The following MYH15 variants were observed in gnomAD, a reference collection of about 807,000 sequenced individuals.
MYH15 encodes the protein myosin-15.
A neutral mutation model predicts 240.5 loss-of-function variants in MYH15; 227 were observed. That is an observed-to-expected ratio of 0.94 (90% CI 0.85 to 1.05). The LOEUF (loss-of-function observed/expected upper bound fraction) is 1.05, where lower values mean the gene tolerates loss of function less well. Among genes scored for constraint, MYH15 ranks in the 50% least tolerant of loss-of-function variants. MYH15 has a pLI of 0.00. For synonymous variants in MYH15, 785 were observed against 796.7 expected, an observed-to-expected ratio of 0.99 and a Z score of 0.25; for missense variants, 2,217 against 2,247.5, an observed-to-expected ratio of 0.99 and a Z score of 0.27.
At chr3:108,453,661 A>T (rs2082994651) in intron 21 of MYH15, among the ~76,000 whole-genome samples, 1 of 152,222 alleles carries the variant, frequency 6.6e-6, no homozygotes, top group Non-Finnish European at 1.5e-5. Context: ...TTCCCCAAAG[A>T]GTTGGCTGTG....
intron 28 of MYH15, among the ~76,000 whole-genome samples, chr3:108,417,472 C>T (rs1314075106): frequency 1.3e-5 from 2 of 152,030 alleles, no homozygotes; most frequent in East Asian, 3.8e-4. Flanking sequence ...TATTACCTCA[C>T]TTGTAAGATG....
intron 27 of MYH15, among the ~76,000 whole-genome samples, chr3:108,424,189 C>T (rs2082708419): frequency 6.6e-6 from 1 of 152,164 alleles, no homozygotes; most frequent in Non-Finnish European, 1.5e-5. Context: ...GAGAGGTCTC[C>T]ACGTGGTGAA....
In MYH15 at chr3:108,518,224, C is replaced by G. The variant is rs141729545; in HGVS notation, c.-57-7637G>C. Reference sequence around the variant, plus strand: ...CCTTTATTATATGAAAACACTGAGTCTCAGAGAACTAGCAAGTGTTATCTC... The same window carrying G: ...CCTTTATTATATGAAAACACTGAGTGTCAGAGAACTAGCAAGTGTTATCTC... On this transcript the variant is annotated intron_variant, in intron 1 of 41. Transcript: ENST00000273353. Among the ~76,000 whole-genome samples, 861 of 152,288 alleles carry G rather than the reference C, an allele frequency of 5.7e-3. 7 individuals are homozygous for G. The highest frequency in any genetic ancestry group is 8.8e-3 in the Non-Finnish European group (596 of 68,020).
chr3:108,525,043 C>T (rs1004776590), intron 1 of MYH15, among the ~76,000 whole-genome samples: 2 of 152,022 alleles, frequency 1.3e-5, no homozygotes, highest in African/African-American at 4.8e-5. Context: ...CATAGTTACA[C>T]CTAGTTGCAA....
At chr3:108,506,500 G>A (rs921879433) in intron 1 of MYH15, among the ~76,000 whole-genome samples, 10 of 152,140 alleles carry the variant, frequency 6.6e-5, no homozygotes, top group African/African-American at 2.4e-4. Flanking sequence ...GAGGTCTGGG[G>A]TGAAATGAGC....
At chr3:108,524,354 T>G (rs2083649245) in intron 1 of MYH15, among the ~76,000 whole-genome samples, 1 of 152,062 alleles carries the variant, frequency 6.6e-6, no homozygotes, top group Admixed American at 6.6e-5. Flanking sequence ...GAATTGTTTG[T>G]TCTGTCTACT....
chr3:108,437,238 G>A (rs910560389), intron 25 of MYH15, among the ~76,000 whole-genome samples: 5 of 149,350 alleles, frequency 3.3e-5, no homozygotes, highest in African/African-American at 1.2e-4. Context: ...TGAGTAAAAA[G>A]AAGAGTGTCA....
At chr3:108,548,640 G>T in the MYH15 span, among the ~76,000 whole-genome samples, 1 of 152,034 alleles carries the variant, frequency 6.6e-6, no homozygotes, top group African/African-American at 2.4e-5. Context: ...AGGACACATG[G>T]CTGGTACGAT....
In MYH15 at chr3:108,408,960, C is replaced by G. The variant is rs116114051; in HGVS notation, c.4496-556G>C. Among the ~76,000 whole-genome samples, 1,181 of 152,274 alleles carry G rather than the reference C, an allele frequency of 7.8e-3. 8 individuals are homozygous for G. Among genetic ancestry groups the G allele is most frequent in the African/African-American group, 0.027 (1,107 of 41,534 alleles). ...GTGTTTTTTCCTAGCCTCTCATGAA[C>G]ATAAGCCTTTGACAAACAGAATAGG... On this transcript the variant is annotated intron_variant, in intron 31 of 40. Coordinates refer to ENST00000693548, the MANE Select transcript of MYH15 (RefSeq NM_014981.3).
intron 9 of MYH15, among the ~76,000 whole-genome samples, chr3:108,491,079 G>GT (rs2083343090): frequency 6.6e-6 from 1 of 152,006 alleles, no homozygotes; most frequent in Admixed American, 6.6e-5. Context: ...GTAGAGACTG[G>GT]TTTTTACCAT....
intron 40 of MYH15, 24 bp downstream of exon 40, chr3:108,383,560 TAAAGAGTTAGA>T: frequency 6.2e-7 from 1 of 1,604,530 alleles, no homozygotes; most frequent in Non-Finnish European, 8.5e-7. Flanking sequence ...CAAACATGAT[TAAAGAGTTAGA>T]ACAGAGTTGA....
chr3:108,514,611 G>C (rs1001876487), upstream of MYH15, among the ~76,000 whole-genome samples: 1 of 151,984 alleles, frequency 6.6e-6, no homozygotes, highest in Non-Finnish European at 1.5e-5. Flanking sequence ...CAAATCTGTA[G>C]AGAGAAATTT....
At chr3:108,416,176 C>T (rs1020434345) in intron 29 of MYH15, among the ~76,000 whole-genome samples, 2 of 152,092 alleles carry the variant, frequency 1.3e-5, no homozygotes, top group Middle Eastern at 3.2e-3. Flanking sequence ...TAAAATGGTA[C>T]AATATTTTAA....
intron 21 of MYH15, among the ~76,000 whole-genome samples, chr3:108,451,216 C>G (rs1456566721): frequency 1.3e-5 from 2 of 151,980 alleles, no homozygotes; most frequent in East Asian, 3.9e-4. Flanking sequence ...CTTATCTCTA[C>G]TAAAAATATA....
chr3:108,467,782 T>A (rs182495593), intron 14 of MYH15, among the ~76,000 whole-genome samples: 2 of 152,280 alleles, frequency 1.3e-5, no homozygotes, highest in African/African-American at 4.8e-5. Flanking sequence ...TACTTTAATA[T>A]GTAAATTATT....
chr3:108,532,242 T>C (rs1403970531), upstream of MYH15, among the ~76,000 whole-genome samples: 1 of 152,024 alleles, frequency 6.6e-6, no homozygotes, highest in East Asian at 1.9e-4. Flanking sequence ...AGGGTGTTTC[T>C]GGACGAGATT....
At chr3:108,517,402 G>A (rs746060783) in intron 1 of MYH15, among the ~76,000 whole-genome samples, 4 of 151,946 alleles carry the variant, frequency 2.6e-5, no homozygotes, top group Non-Finnish European at 5.9e-5. Flanking sequence ...GTGCAATCTC[G>A]GCTCACCGCA....
chr3:108,429,911 C>T (rs2082763808), intron 26 of MYH15, among the ~76,000 whole-genome samples: 1 of 152,134 alleles, frequency 6.6e-6, no homozygotes, highest in African/African-American at 2.4e-5. Context: ...AATAATACCA[C>T]CATTGAACCA....
At chr3:108,528,462 C>A (rs763646721) in intron 1 of MYH15, among the ~76,000 whole-genome samples, 1 of 152,082 alleles carries the variant, frequency 6.6e-6, no homozygotes, top group Non-Finnish European at 1.5e-5. Context: ...ACACTAAAAT[C>A]TGGATGATGG....
Sources: allele counts gnomAD v4.1 joint callset (sites outside exome capture counted in the v4.1 genomes callset), GRCh38; gene constraint gnomAD v4.1.1; transcripts MANE v1.5; gene names NCBI Gene and HGNC (gene_info 2026-07-23, HGNC 2026-07-21).